The following EBF1 variants were observed in gnomAD, a reference collection of about 807,000 sequenced individuals.
EBF1 encodes the protein EBF transcription factor 1.
EBF1 carries 10 observed loss-of-function variants against 68.4 expected under a neutral mutation model. That is an observed-to-expected ratio of 0.15 (90% CI 0.09 to 0.25). EBF1 has a LOEUF of 0.25. Ranked by LOEUF, EBF1 falls within the 10% of genes least tolerant of loss-of-function variation. EBF1 has a pLI of 1.00. For missense variants in EBF1, 509 were observed against 794.4 expected, an observed-to-expected ratio of 0.64 and a Z score of 4.32; for synonymous variants, 298 against 299.8, an observed-to-expected ratio of 0.99 and a Z score of 0.06.
chr5:158,879,880 C>G (rs1033929798), intron 6 of EBF1, among the ~76,000 whole-genome samples: 1 of 152,186 alleles, frequency 6.6e-6, no homozygotes, highest in Non-Finnish European at 1.5e-5. Context: ...GGCCACACGC[C>G]TTTCTGTGTC....
intron 6 of EBF1, among the ~76,000 whole-genome samples, chr5:159,028,786 A>G (rs1768201807): frequency 6.6e-6 from 1 of 152,164 alleles, no homozygotes; most frequent in Non-Finnish European, 1.5e-5. Context: ...CTGAGGTGAT[A>G]TTTGAGCTAA....
At chr5:158,940,198 A>G (rs1247550903) in intron 6 of EBF1, among the ~76,000 whole-genome samples, 1 of 152,240 alleles carries the variant, frequency 6.6e-6, no homozygotes, top group East Asian at 1.9e-4. Context: ...GCTGGGTGTG[A>G]TGGATCCTGC....
At chr5:159,008,384 G>T (rs1763977358) in intron 6 of EBF1, among the ~76,000 whole-genome samples, 1 of 151,978 alleles carries the variant, frequency 6.6e-6, no homozygotes, top group Admixed American at 6.6e-5. Context: ...ACACACTTTA[G>T]TTAACAAACA....
At chr5:158,731,017 C>T in intron 11 of EBF1, 52 bp downstream of exon 11, 1 of 1,548,130 alleles carries the variant, frequency 6.5e-7, no homozygotes, top group South Asian at 1.2e-5. Context: ...GAGTTTTCTG[C>T]AAATCGCTCA....
intron 15 of EBF1, 66 bp from the exon 16 acceptor site, chr5:158,699,208 G>T: frequency 6.9e-7 from 1 of 1,449,436 alleles, no homozygotes; most frequent in African/African-American, 1.5e-5. Context: ...GAAAAATAAT[G>T]AAGACTAAAA....
intron 6 of EBF1, among the ~76,000 whole-genome samples, chr5:159,025,393 C>T (rs571640964): frequency 5.9e-4 from 90 of 152,330 alleles, no homozygotes; most frequent in African/African-American, 2.0e-3. Context: ...AGGAAAGCAT[C>T]TGGGATGTCC....
intron 4 of EBF1, among the ~76,000 whole-genome samples, chr5:159,087,943 T>C (rs1222772265): frequency 1.3e-5 from 2 of 152,248 alleles, no homozygotes; most frequent in Non-Finnish European, 1.5e-5. Flanking sequence ...GGGGCCTCTA[T>C]AGAACAATAT....
intron 6 of EBF1, among the ~76,000 whole-genome samples, chr5:158,863,761 A>G (rs1795370111): frequency 6.6e-6 from 1 of 152,246 alleles, no homozygotes; most frequent in African/African-American, 2.4e-5. Context: ...ATCATTTATA[A>G]CAATAAATAC....
chr5:158,793,583 TA>T (rs745496779), intron 9 of EBF1, among the ~76,000 whole-genome samples: 3 of 152,166 alleles, frequency 2.0e-5, no homozygotes, highest in Non-Finnish European at 4.4e-5. Flanking sequence ...ATAAAAAAAA[TA>T]TGGTATAGTT....
intron 6 of EBF1, among the ~76,000 whole-genome samples, chr5:158,853,321 G>T (rs1447249835): frequency 6.6e-6 from 1 of 152,186 alleles, no homozygotes; most frequent in African/African-American, 2.4e-5. Context: ...ATCTGCTTTA[G>T]AGACTGGCAT....
intron 9 of EBF1, among the ~76,000 whole-genome samples, chr5:158,778,778 T>G (rs540332807): frequency 5.3e-5 from 8 of 152,182 alleles, no homozygotes; most frequent in Non-Finnish European, 1.2e-4. Flanking sequence ...AAGTCATATC[T>G]GCATAAAAAC....
chr5:158,755,183 T>TTC (rs1554121283), intron 10 of EBF1, among the ~76,000 whole-genome samples: 10 of 152,080 alleles, frequency 6.6e-5, no homozygotes, highest in East Asian at 5.8e-4. Context: ...TGTTTTTTTT[T>TTC]CACATATAAA....
intron 11 of EBF1, among the ~76,000 whole-genome samples, chr5:158,716,290 C>T (rs1031911697): frequency 6.6e-6 from 1 of 151,880 alleles, no homozygotes; most frequent in Admixed American, 6.6e-5. Context: ...ATCCAGAGCT[C>T]TCATCCCCAT....
At chr5:158,840,189 T>A (rs1416888810) in intron 6 of EBF1, 79 bp from the exon 7 acceptor site, 2 of 1,024,968 alleles carry the variant, frequency 2.0e-6, no homozygotes, top group Non-Finnish European at 3.1e-6. Flanking sequence ...CACCCCTGGG[T>A]TGTGCATTCG....
intron 11 of EBF1, among the ~76,000 whole-genome samples, chr5:158,727,360 C>T (rs539583166): frequency 6.6e-6 from 1 of 152,298 alleles, no homozygotes; most frequent in Non-Finnish European, 1.5e-5. Context: ...TGACCTTGAA[C>T]ACAGAGAGCG....
At chr5:158,762,352 A>G (rs1390614308) in intron 10 of EBF1, among the ~76,000 whole-genome samples, 1 of 152,192 alleles carries the variant, frequency 6.6e-6, no homozygotes, top group Non-Finnish European at 1.5e-5. Flanking sequence ...GATATGTTTT[A>G]CTTTTTACTC....
intron 6 of EBF1, among the ~76,000 whole-genome samples, chr5:158,993,738 C>T (rs1167119213): frequency 6.6e-6 from 1 of 152,202 alleles, no homozygotes; most frequent in Admixed American, 6.5e-5. Context: ...GCCAATCTCT[C>T]TGACTCTGTC....
chr5:159,011,312 C>A (rs1764612746), intron 6 of EBF1, among the ~76,000 whole-genome samples: 2 of 152,184 alleles, frequency 1.3e-5, no homozygotes. Flanking sequence ...CTGTAAAAAA[C>A]GGAAAGGCCA....
intron 6 of EBF1, among the ~76,000 whole-genome samples, chr5:158,881,594 A>G (rs1026221296): frequency 1.3e-5 from 2 of 152,216 alleles, no homozygotes; most frequent in African/African-American, 4.8e-5. Flanking sequence ...GCCTGCAGAC[A>G]TTCACCAGAT....
Sources: allele counts gnomAD v4.1 joint callset (sites outside exome capture counted in the v4.1 genomes callset), GRCh38; gene constraint gnomAD v4.1.1; transcripts MANE v1.5; gene names NCBI Gene and HGNC (gene_info 2026-07-23, HGNC 2026-07-21).